Variants in AKAP6 observed in about 807,000 individuals in gnomAD.
The protein encoded by AKAP6 is A-kinase anchoring protein 6, also known as A-kinase anchor protein 6.
In AKAP6, 58 loss-of-function variants were observed where a neutral mutation model predicts 188.5. The ratio of observed to expected loss-of-function variants is 0.31; its 90% confidence interval spans 0.25 to 0.38. The LOEUF is 0.38. AKAP6 is among the 10% of genes least tolerant of loss of function. The pLI, the probability that AKAP6 is intolerant of heterozygous loss-of-function variation, is 1.00. For missense variants in AKAP6, 2,710 were observed against 2,740.0 expected (o/e 0.99, Z 0.24); for synonymous variants, 989 against 998.6 (o/e 0.99, Z 0.18).
chr14:32,710,201 A>C (rs1196944599), intron 9 of AKAP6, among the ~76,000 whole-genome samples: 3 of 121,556 alleles, frequency 2.5e-5, no homozygotes, highest in Admixed American at 1.7e-4. Context: ...TGGACCCAAA[A>C]AAAAAAAAAA....
intron 2 of AKAP6, among the ~76,000 whole-genome samples, chr14:32,480,444 G>C (rs1442554034): frequency 3.9e-5 from 6 of 152,154 alleles, no homozygotes; most frequent in Non-Finnish European, 7.3e-5. Context: ...TTCTTAAAAA[G>C]TTGTGCCGTA....
At chr14:32,709,769 C>A (rs1339619603) in intron 9 of AKAP6, among the ~76,000 whole-genome samples, 1 of 151,998 alleles carries the variant, frequency 6.6e-6, no homozygotes, top group East Asian at 1.9e-4. Context: ...TATTAATTGT[C>A]AAATCAGCCA....
At chr14:32,472,635 C>T (rs539514705) in intron 2 of AKAP6, among the ~76,000 whole-genome samples, 8 of 152,128 alleles carry the variant, frequency 5.3e-5, no homozygotes, top group South Asian at 4.1e-4. Flanking sequence ...GAGATGGCAA[C>T]GAGGTTCTCT....
intron 2 of AKAP6, among the ~76,000 whole-genome samples, chr14:32,483,009 A>ATGTGTGTGTGTGTGTG (rs1464491636): frequency 6.7e-6 from 1 of 150,304 alleles, no homozygotes; most frequent in South Asian, 2.1e-4. Flanking sequence ...ATATATATAT[A>ATGTGTGTGTGTGTGTG]TATGTATCTT....
At chr14:32,494,550 T>C (rs1327901672) in intron 2 of AKAP6, among the ~76,000 whole-genome samples, 2 of 152,184 alleles carry the variant, frequency 1.3e-5, no homozygotes, top group Non-Finnish European at 1.5e-5. Context: ...TGAAAAATGC[T>C]TAGAGTATTC....
At chr14:32,659,425 A>G (rs1178179440) in intron 7 of AKAP6, among the ~76,000 whole-genome samples, 1 of 152,116 alleles carries the variant, frequency 6.6e-6, no homozygotes, top group African/African-American at 2.4e-5. Context: ...AAGCACAAAT[A>G]CTTTAAACAA....
At chr14:32,669,366 G>C (rs1889081820) in intron 7 of AKAP6, among the ~76,000 whole-genome samples, 1 of 152,168 alleles carries the variant, frequency 6.6e-6, no homozygotes, top group Non-Finnish European at 1.5e-5. Context: ...AATGTTATTT[G>C]TATTTAGCTA....
chr14:32,562,758 A>C (rs555484402), intron 4 of AKAP6, among the ~76,000 whole-genome samples: 3 of 152,234 alleles, frequency 2.0e-5, no homozygotes, highest in Admixed American at 6.5e-5. Flanking sequence ...ACTCCATATA[A>C]ATAAATAAAT....
intron 1 of AKAP6, among the ~76,000 whole-genome samples, chr14:32,348,013 G>A (rs1193440362): frequency 6.6e-6 from 1 of 152,224 alleles, no homozygotes. Flanking sequence ...ACATTTGTGT[G>A]TAGCCACATG....
chr14:32,800,151 T>TAA (rs1566720809), intron 12 of AKAP6, among the ~76,000 whole-genome samples: 1 of 144,832 alleles, frequency 6.9e-6, no homozygotes, highest in Non-Finnish European at 1.5e-5. Context: ...CACACATATA[T>TAA]ACATATATAT....
intron 11 of AKAP6, among the ~76,000 whole-genome samples, chr14:32,752,471 C>T (rs569186879): frequency 6.6e-6 from 1 of 152,188 alleles, no homozygotes; most frequent in South Asian, 2.1e-4. Context: ...ATTGGATTTC[C>T]ACCCCCCACC....
chr14:32,380,666 A>G (rs573051232), intron 1 of AKAP6, among the ~76,000 whole-genome samples: 21 of 152,300 alleles, frequency 1.4e-4, no homozygotes, highest in Non-Finnish European at 2.6e-4. Flanking sequence ...AGCAATCCCA[A>G]CACACAGAAG....
rs987581854 is a variant in AKAP6, at chr14:32,516,607, C to T, written c.325-18947C>T. Reference sequence around the variant, plus strand: ...ATCGTATATGTAATGTGAAATAAAACGAAAAGTAAGTATGAGATCTTCTAA... The same window carrying T: ...ATCGTATATGTAATGTGAAATAAAATGAAAAGTAAGTATGAGATCTTCTAA... On this transcript the variant is annotated intron_variant, in intron 2 of 13. Coordinates refer to ENST00000280979, the MANE Select transcript of AKAP6 (RefSeq NM_004274.5). 5.9e-5 allele frequency among the ~76,000 whole-genome samples: 9 copies of T among 152,074 alleles called. No homozygotes were observed. In the East Asian group the frequency reaches 9.7e-4, roughly 16 times the overall value.
At chr14:32,518,663 C>A (rs145698934) in intron 2 of AKAP6, among the ~76,000 whole-genome samples, 1 of 152,008 alleles carries the variant, frequency 6.6e-6, no homozygotes, top group Non-Finnish European at 1.5e-5. Flanking sequence ...TAAAAAGAAA[C>A]GAACAAAGCC....
Position 32,438,171 on chromosome 14 carries a change from C to A in AKAP6, c.324+4354C>A, listed in dbSNP as rs533691838. Among the ~76,000 whole-genome samples the A allele has an allele frequency of 1.8e-4, 28 of 152,232 alleles. No homozygotes were observed. In the South Asian group the frequency reaches 5.6e-3, roughly 31 times the overall value. ...GACAAAGGCATTGGATGAATCAAGG[C>A]CCAATATGTTTGGGGCATTGCTCTC... On this transcript the variant is annotated intron_variant, in intron 2 of 13. Coordinates refer to ENST00000280979, the MANE Select transcript of AKAP6 (RefSeq NM_004274.5).
intron 13 of AKAP6, among the ~76,000 whole-genome samples, chr14:32,825,291 G>A (rs1435559612): frequency 6.6e-6 from 1 of 152,114 alleles, no homozygotes. Context: ...TTATGCTTCT[G>A]TCTAATGTAA....
intron 1 of AKAP6, among the ~76,000 whole-genome samples, chr14:32,390,930 C>G (rs1445013250): frequency 6.6e-6 from 1 of 152,106 alleles, no homozygotes; most frequent in East Asian, 1.9e-4. Flanking sequence ...CCATGATCCC[C>G]CAAGAATCTA....
chr14:32,709,620 T>A (rs1220643334), intron 9 of AKAP6, among the ~76,000 whole-genome samples: 1 of 152,090 alleles, frequency 6.6e-6, no homozygotes, highest in African/African-American at 2.4e-5. Flanking sequence ...GGATTGTTTT[T>A]ATCCATTCCA....
intron 8 of AKAP6, among the ~76,000 whole-genome samples, chr14:32,687,416 CTCTCTCTCTCTCTCTCTCTCTCTCTT>C (rs1889975329): frequency 6.8e-6 from 1 of 147,776 alleles, no homozygotes; most frequent in Non-Finnish European, 1.5e-5. Context: ...CTCTCTCTCT[CTCTCTCTCTCTCTCTCTCTCTCTCTT>C]TCTCTCTTTC....
Sources: gnomAD v4.1 joint callset for allele counts (sites outside exome capture counted in the v4.1 genomes callset) on GRCh38, gnomAD v4.1.1 for gene constraint, MANE v1.5 for transcripts, NCBI Gene and HGNC (gene_info 2026-07-23, HGNC 2026-07-21) for gene names.